Variants in DSCAM observed in about 807,000 individuals in gnomAD.
DSCAM encodes DS cell adhesion molecule.
DSCAM carries 47 observed loss-of-function variants against 217.7 expected under a neutral mutation model. The ratio of observed to expected loss-of-function variants is 0.22; its 90% CI spans 0.17 to 0.28. The LOEUF is 0.28. DSCAM is among the 10% of genes least tolerant of loss of function. The pLI is 1.00. For missense variants in DSCAM, 2,080 were observed against 2,618.3 expected (o/e 0.79, Z 4.49); for synonymous variants, 1,056 against 1,015.3 (o/e 1.04, Z -0.76).
intron 3 of DSCAM, among the ~76,000 whole-genome samples, chr21:40,499,524 G>C (rs1440917495): frequency 6.6e-6 from 1 of 152,220 alleles, no homozygotes; most frequent in African/African-American, 2.4e-5. Context: ...AGCAACGCAT[G>C]TGTCTCATTT....
In DSCAM at chr21:40,075,025, G is replaced by A. The variant is rs534328405; in HGVS notation, c.4888+12C>T. 1 of 1,613,782 alleles carries A rather than the reference G, an allele frequency of 6.2e-7. No homozygotes were observed. Among genetic ancestry groups the A allele is most frequent in the African/African-American group, 1.3e-5 (1 of 75,044 alleles). ...GGGACACGCGTAGGTGGACAGCTGG[G>A]CCTGGACCTACCTCGCAGCCTCTTT... is the stretch of plus-strand genomic sequence containing the variant. On this transcript the variant is annotated intron_variant, in intron 27 of 32. Transcript: ENST00000400454.
intron 3 of DSCAM, among the ~76,000 whole-genome samples, chr21:40,411,481 T>C (rs1161729887): frequency 6.6e-6 from 1 of 152,082 alleles, no homozygotes; most frequent in Non-Finnish European, 1.5e-5. Flanking sequence ...AAAAAGCAAA[T>C]ATTATCAGAT....
rs190925250 is a variant in DSCAM, at chr21:40,086,630, T to G, written c.3968+540A>C. Reference sequence around the variant, plus strand: ...AGATATAGCACTTTAAAAAGTTATATGGACAGACCATATCTCACTCACTCT... The same window carrying G: ...AGATATAGCACTTTAAAAAGTTATAGGGACAGACCATATCTCACTCACTCT... On this transcript the variant is annotated intron_variant, in intron 22 of 32. Transcript: ENST00000400454. Among the ~76,000 whole-genome samples, 225 of 152,336 alleles carry G rather than the reference T, an allele frequency of 1.5e-3. 1 individual carries two copies. The highest frequency in any genetic ancestry group is 4.9e-3 in the African/African-American group (203 of 41,580).
rs182672691 is a variant in DSCAM at position 40,149,891 on chromosome 21, G to A, written c.3019-5160C>T. ...ATCCCAGTGCCAACATCACTATAAC[G>A]ACAACCATCCATTATTCCATCACTA... On this transcript the variant is annotated intron_variant, in intron 16 of 32. Transcript: ENST00000400454. Among the ~76,000 whole-genome samples, 3 of 137,312 alleles carry A rather than the reference G, an allele frequency of 2.2e-5. 1 individual carries two copies. The highest frequency in any genetic ancestry group is 4.5e-4 in the East Asian group (2 of 4,476). 90.1% of individuals were successfully genotyped at this position (137,312 alleles called of 152,430 possible).
At chr21:40,352,555 T>C (rs1479454276) in intron 5 of DSCAM, among the ~76,000 whole-genome samples, 1 of 150,852 alleles carries the variant, frequency 6.6e-6, no homozygotes, top group African/African-American at 2.4e-5. Context: ...AAGAGAAAGT[T>C]CCATAAACAG....
intron 3 of DSCAM, among the ~76,000 whole-genome samples, chr21:40,546,480 A>T (rs9974651): frequency 0.073 from 11,167 of 152,212 alleles, 480 homozygotes; most frequent in Middle Eastern, 0.11. Flanking sequence ...AATCATGTAG[A>T]CTTCTCTGAG....
intron 27 of DSCAM, among the ~76,000 whole-genome samples, chr21:40,065,739 A>G (rs1472653040): frequency 2.0e-5 from 3 of 151,992 alleles, no homozygotes; most frequent in African/African-American, 4.8e-5. Flanking sequence ...CTCAGTCCTA[A>G]TCTCACTTAT....
At chr21:40,772,272 G>A (rs1347476634) in intron 1 of DSCAM, among the ~76,000 whole-genome samples, 2 of 152,142 alleles carry the variant, frequency 1.3e-5, no homozygotes, top group Non-Finnish European at 2.9e-5. Flanking sequence ...GGGTGCAAGC[G>A]ATTTTCCTGC....
chr21:40,110,154 G>A (rs1007715629), intron 20 of DSCAM, among the ~76,000 whole-genome samples: 2 of 152,286 alleles, frequency 1.3e-5, no homozygotes, highest in East Asian at 1.9e-4. Context: ...TAGCCTAACT[G>A]GGAGGCACCC....
intron 3 of DSCAM, among the ~76,000 whole-genome samples, chr21:40,433,839 A>C (rs1041431672): frequency 1.3e-5 from 2 of 152,188 alleles, no homozygotes; most frequent in African/African-American, 4.8e-5. Flanking sequence ...CTGAGGTAGA[A>C]GATATCACCT....
chr21:40,201,133 G>T (rs57910916), intron 11 of DSCAM, among the ~76,000 whole-genome samples: 12,008 of 152,038 alleles, frequency 0.079, 1,162 homozygotes, highest in African/African-American at 0.23. Flanking sequence ...TGCTAAGCTT[G>T]AACAAGAATG....
rs1409013929 is a variant in DSCAM, at chr21:40,347,172, C to T, written c.1210+498G>A. Among the ~76,000 whole-genome samples, 3 of 152,066 alleles carry T rather than the reference C, an allele frequency of 2.0e-5. No individual in the cohort carries two copies. In the South Asian group the frequency reaches 6.2e-4, roughly 32 times the overall value. On this transcript the variant is annotated intron_variant, in intron 6 of 32. Coordinates refer to ENST00000400454, the MANE Select transcript of DSCAM (RefSeq NM_001389.5). ...AATTAGCCAGGTGTGGTGGTGCATG[C>T]CTGTAATCCCAGCTACTCGGGAGGC... is the stretch of plus-strand genomic sequence containing the variant.
intron 3 of DSCAM, among the ~76,000 whole-genome samples, chr21:40,381,644 G>C (rs2075026771): frequency 6.6e-6 from 1 of 152,196 alleles, no homozygotes; most frequent in South Asian, 2.1e-4. Flanking sequence ...TGTAAAGTTT[G>C]TCTACCTGAT....
intron 22 of DSCAM, among the ~76,000 whole-genome samples, chr21:40,086,292 A>G (rs1431706278): frequency 6.6e-6 from 1 of 152,246 alleles, no homozygotes; most frequent in Non-Finnish European, 1.5e-5. Flanking sequence ...GGCCATCATA[A>G]CCACTGCTCC....
Position 40,692,880 on chromosome 21 carries a change from A to T in DSCAM, c.438T>A (p.Ile146=), listed in dbSNP as rs1305088740. The change falls in exon 3 of 33, where the codon ATT becomes ATA. Residue 146 remains isoleucine, a synonymous_variant. Transcript: ENST00000400454. ...MRGNVAVFKC[I]IPSSVEAYIT... is the part of the protein sequence containing the mutation. Reference sequence around the variant, plus strand: ...TGTACGCCTCCACCGAGGAGGGGATAATGCACTTGAAGACCGCAACATTGC... The same window carrying T: ...TGTACGCCTCCACCGAGGAGGGGATTATGCACTTGAAGACCGCAACATTGC... 6.2e-7 allele frequency: 1 copy of T among 1,614,040 alleles called. No individual in the cohort carries two copies.
intron 1 of DSCAM, among the ~76,000 whole-genome samples, chr21:40,766,683 A>AC (rs1271913877): frequency 4.1e-5 from 5 of 123,408 alleles, no homozygotes; most frequent in Non-Finnish European, 6.4e-5. Context: ...AAAAAAAAAA[A>AC]AAAAACAACT....
chr21:40,072,542 G>C (rs1045942164), intron 27 of DSCAM, among the ~76,000 whole-genome samples: 7 of 151,820 alleles, frequency 4.6e-5, no homozygotes, highest in Non-Finnish European at 8.8e-5. Context: ...TAGAGACGGG[G>C]TTTCACCATG....
chr21:40,783,897 T>C (rs1230288894), intron 1 of DSCAM, among the ~76,000 whole-genome samples: 1 of 152,128 alleles, frequency 6.6e-6, no homozygotes, highest in Non-Finnish European at 1.5e-5. Flanking sequence ...TTCTCTTTCT[T>C]CACATACAGA....
At chr21:40,495,803 A>G (rs191535369) in intron 3 of DSCAM, among the ~76,000 whole-genome samples, 124 of 152,296 alleles carry the variant, frequency 8.1e-4, no homozygotes, top group African/African-American at 2.8e-3. Context: ...CCATAAAACT[A>G]TTAGAACTAA....
Sources: allele counts gnomAD v4.1 joint callset (sites outside exome capture counted in the v4.1 genomes callset), GRCh38; gene constraint gnomAD v4.1.1; transcripts MANE v1.5; gene names NCBI Gene and HGNC (gene_info 2026-07-23, HGNC 2026-07-21).